MYO3A: variants seen among roughly 807,000 people sequenced by gnomAD.
MYO3A encodes the protein myosin-IIIa.
MYO3A carries 180 observed loss-of-function variants against 192.7 expected under a neutral mutation model. The observed-to-expected ratio is 0.93, with a 90% confidence interval of 0.83 to 1.06. The LOEUF (loss-of-function observed/expected upper bound fraction) is 1.06. Among genes scored for constraint, MYO3A ranks in the 50% least tolerant of loss-of-function variants. MYO3A has a pLI of 0.00. For missense variants in MYO3A, 1,896 were observed against 1,905.0 expected (o/e 1.00, Z 0.09); for synonymous variants, 628 against 645.3 (o/e 0.97, Z 0.41).
At chr10:26,079,463 A>G (rs116490195) in intron 14 of MYO3A, among the ~76,000 whole-genome samples, 4,532 of 152,262 alleles carry the variant, frequency 0.03, 218 homozygotes, top group African/African-American at 0.1. Flanking sequence ...GCAGTTCCGT[A>G]TCTTTTAAGT....
At chr10:26,051,219 C>A (rs927039280) in intron 10 of MYO3A, among the ~76,000 whole-genome samples, 23 of 152,196 alleles carry the variant, frequency 1.5e-4, no homozygotes, top group African/African-American at 4.3e-4. Flanking sequence ...ACGTAATATT[C>A]TTTATCACTG....
rs547535689 is a variant in MYO3A, at chr10:26,027,873, T to G, written c.953+1341T>G. Among the ~76,000 whole-genome samples, 9 of 152,332 alleles carry G rather than the reference T, an allele frequency of 5.9e-5. No homozygotes were observed. The East Asian group carries it at 1.5e-3, about 26-fold the overall frequency. ...TTTACTCTCTCAAGTAACTGTGTAA[T>G]GAACAGTTGTACATTAATCTCTTAC... On this transcript the variant is annotated intron_variant, in intron 10 of 34. Coordinates refer to ENST00000642920, the MANE Select transcript of MYO3A (RefSeq NM_017433.5).
intron 10 of MYO3A, among the ~76,000 whole-genome samples, chr10:26,046,318 G>A (rs1843635305): frequency 6.6e-6 from 1 of 152,194 alleles, no homozygotes; most frequent in South Asian, 2.1e-4. Flanking sequence ...GGTGTCTGTT[G>A]CAAAACTGAT....
intron 17 of MYO3A, among the ~76,000 whole-genome samples, chr10:26,113,046 G>A (rs538182768): frequency 6.6e-6 from 1 of 152,210 alleles, no homozygotes; most frequent in Admixed American, 6.5e-5. Context: ...AAAATCACAT[G>A]CTAGCATGTT....
chr10:26,163,231 A>G (rs1319206916), intron 26 of MYO3A, among the ~76,000 whole-genome samples: 5 of 152,236 alleles, frequency 3.3e-5, no homozygotes, highest in African/African-American at 1.2e-4. Context: ...CGACATTCCC[A>G]CTGCTCCCAG....
chr10:26,204,038 G>A (rs1317860928), intron 34 of MYO3A: 2 of 152,168 alleles, frequency 1.3e-5, no homozygotes, highest in African/African-American at 4.8e-5. Context: ...GCATAGGAAA[G>A]GTGTTCTATC....
intron 6 of MYO3A, among the ~76,000 whole-genome samples, chr10:26,007,371 G>C (rs1470891976): frequency 1.3e-5 from 2 of 149,222 alleles, no homozygotes; most frequent in African/African-American, 5.1e-5. Flanking sequence ...AGTGTTGGAA[G>C]TTCTGGCCAG....
chr10:26,150,316 G>A (rs1840724331), intron 23 of MYO3A, among the ~76,000 whole-genome samples: 1 of 152,130 alleles, frequency 6.6e-6, no homozygotes, highest in Non-Finnish European at 1.5e-5. Context: ...TTCATTTTGT[G>A]ACTTTGGAAT....
intron 20 of MYO3A, among the ~76,000 whole-genome samples, chr10:26,131,682 C>G (rs1228444305): frequency 1.3e-5 from 2 of 152,074 alleles, no homozygotes; most frequent in African/African-American, 4.8e-5. Flanking sequence ...AAATATGTAG[C>G]TCCTAAAATT....
At chr10:26,116,531 C>T (rs1480153205) in intron 17 of MYO3A, among the ~76,000 whole-genome samples, 14 of 152,168 alleles carry the variant, frequency 9.2e-5, no homozygotes, top group African/African-American at 3.4e-4. Context: ...AGGACTTCAA[C>T]ATATGAATCT....
At chr10:26,027,139 C>G (rs931481827) in intron 10 of MYO3A, among the ~76,000 whole-genome samples, 2 of 151,820 alleles carry the variant, frequency 1.3e-5, no homozygotes, top group Non-Finnish European at 2.9e-5. Context: ...CTTGAAAGAC[C>G]TTTTGACACT....
chr10:26,105,257 A>G (rs925092340), intron 17 of MYO3A, among the ~76,000 whole-genome samples: 3 of 152,074 alleles, frequency 2.0e-5, no homozygotes, highest in Admixed American at 6.6e-5. Context: ...AAAGGTGTAT[A>G]TTTTTTAAAT....
At position 26,103,994 on chromosome 10, in the gene MYO3A, G is replaced by A. The variant is rs1837633187; in HGVS notation, c.1776+7312G>A. On this transcript the variant is annotated intron_variant, in intron 17 of 34. Transcript: ENST00000642920. ...ATTGGTCATCTGTGGCTCTTTTTTGGATAAATGTCTGTTCAGATCCTTTGC... is the reference window on the plus strand; with the variant it reads ...ATTGGTCATCTGTGGCTCTTTTTTGAATAAATGTCTGTTCAGATCCTTTGC... Among the ~76,000 whole-genome samples, 3 of 151,650 alleles carry A rather than the reference G, an allele frequency of 2.0e-5. No individual in the cohort carries two copies. The South Asian group carries it at 6.2e-4, about 32-fold the overall frequency.
chr10:26,150,209 G>A (rs770013637), intron 23 of MYO3A, among the ~76,000 whole-genome samples: 1 of 152,118 alleles, frequency 6.6e-6, no homozygotes, highest in African/African-American at 2.4e-5. Flanking sequence ...ATGATGCATT[G>A]TACTTTTTAT....
intron 17 of MYO3A, 144 bp from the exon 18 acceptor site, chr10:26,120,532 T>C: frequency 9.4e-7 from 1 of 1,058,592 alleles, no homozygotes. Flanking sequence ...CTGAGCCTAC[T>C]TGGATCTCAG....
intron 11 of MYO3A, among the ~76,000 whole-genome samples, chr10:26,067,354 T>C (rs1029817503): frequency 6.6e-6 from 1 of 152,202 alleles, no homozygotes; most frequent in Non-Finnish European, 1.5e-5. Context: ...CTGATAGGGG[T>C]GAGGTCCTCG....
intron 17 of MYO3A, among the ~76,000 whole-genome samples, chr10:26,103,222 G>A (rs1564551536): frequency 6.6e-6 from 1 of 152,232 alleles, no homozygotes; most frequent in Non-Finnish European, 1.5e-5. Context: ...TGTGCCGTTT[G>A]CTAAGACCAT....
In MYO3A at chr10:26,125,593, A is replaced by T. The variant is rs750215936; in HGVS notation, c.2099A>T (p.His700Leu). The stretch of plus-strand genomic sequence containing the variant: ...AATTGCATTAACAGTTTGTTGAAGC[A>T]TGACTCATCACCAAGGTAAAAATTT... ...IVNCINSLLK[H>L]DSSPSGNGDE... Residue 700 changes from histidine to leucine, a missense_variant, in exon 19 of 35, where the codon CAT becomes CTT. Physicochemically the swap from His to Leu is moderately conservative, Grantham distance 99. Transcript: ENST00000642920. 46 of 1,613,886 alleles carry T rather than the reference A, an allele frequency of 2.9e-5. No homozygotes were observed. The highest frequency in any genetic ancestry group is 3.6e-5 in the Non-Finnish European group (43 of 1,179,868).
chr10:26,038,344 A>G (rs1432004558), intron 10 of MYO3A, among the ~76,000 whole-genome samples: 1 of 152,202 alleles, frequency 6.6e-6, no homozygotes, highest in Non-Finnish European at 1.5e-5. Context: ...AACATGGAAT[A>G]TCTTTCCATT....
Sources: gnomAD v4.1 joint callset for allele counts (sites outside exome capture counted in the v4.1 genomes callset) on GRCh38, gnomAD v4.1.1 for gene constraint, MANE v1.5 for transcripts, NCBI Gene and HGNC (gene_info 2026-07-23, HGNC 2026-07-21) for gene names.